Variants in CTNND2 observed in about 807,000 individuals in gnomAD.
The protein encoded by CTNND2 is catenin delta 2.
In CTNND2, 22 loss-of-function variants were observed where a neutral mutation model predicts 144.4. That is an observed-to-expected ratio of 0.15 (90% CI 0.11 to 0.22). The LOEUF is 0.22. CTNND2 is among the 10% of genes least tolerant of loss of function. The pLI is 1.00. For synonymous variants in CTNND2, 751 were observed against 695.6 expected (o/e 1.08, Z -1.25); for missense variants, 1,353 against 1,618.8 (o/e 0.84, Z 2.82).
intron 16 of CTNND2, among the ~76,000 whole-genome samples, chr5:11,029,758 A>T (rs1313169081): frequency 1.3e-5 from 2 of 152,232 alleles, no homozygotes; most frequent in African/African-American, 4.8e-5. Flanking sequence ...TTTTTCTTAA[A>T]TGTACTGAAT....
intron 3 of CTNND2, 133 bp downstream of exon 3, chr5:11,564,811 G>C: frequency 1.6e-6 from 1 of 616,574 alleles, no homozygotes; most frequent in Non-Finnish European, 3.0e-6. Flanking sequence ...CTTAAATCAG[G>C]TCAGTTACAA....
At chr5:11,840,153 A>C (rs1470443087) in intron 1 of CTNND2, among the ~76,000 whole-genome samples, 4 of 152,220 alleles carry the variant, frequency 2.6e-5, no homozygotes, top group Non-Finnish European at 4.4e-5. Flanking sequence ...GAGAACTCTA[A>C]GCAACCTATA....
intron 12 of CTNND2, among the ~76,000 whole-genome samples, chr5:11,150,985 A>T (rs1416762333): frequency 1.3e-5 from 2 of 151,706 alleles, no homozygotes; most frequent in African/African-American, 2.4e-5. Context: ...TCCTTCCTCC[A>T]ACAGGATCAC....
chr5:11,386,316 T>C (rs1759086540), intron 6 of CTNND2, among the ~76,000 whole-genome samples: 1 of 150,672 alleles, frequency 6.6e-6, no homozygotes, highest in South Asian at 2.1e-4. Flanking sequence ...GGATGAGAGG[T>C]GGGTGGGGAG....
intron 9 of CTNND2, among the ~76,000 whole-genome samples, chr5:11,260,857 A>G (rs1744784413): frequency 6.6e-6 from 1 of 152,236 alleles, no homozygotes; most frequent in African/African-American, 2.4e-5. Flanking sequence ...AAAATTTACT[A>G]TTATAGGGAA....
At chr5:11,755,226 C>G (rs1788866618) in intron 1 of CTNND2, among the ~76,000 whole-genome samples, 2 of 151,678 alleles carry the variant, frequency 1.3e-5, no homozygotes, top group Admixed American at 6.6e-5. Flanking sequence ...ATATGAAATT[C>G]TCCGTTGCAA....
At chr5:11,369,509 G>A (rs1368577984) in intron 7 of CTNND2, among the ~76,000 whole-genome samples, 2 of 152,224 alleles carry the variant, frequency 1.3e-5, no homozygotes, top group East Asian at 3.9e-4. Context: ...TTTTTGGAAC[G>A]ATTTGTAACT....
At chr5:11,380,190 C>T (rs548033835) in intron 7 of CTNND2, among the ~76,000 whole-genome samples, 11 of 152,122 alleles carry the variant, frequency 7.2e-5, no homozygotes, top group African/African-American at 1.2e-4. Context: ...GTGGCTGTTC[C>T]GAAACTAAGT....
At chr5:11,470,980 A>ATATATATATATATATATATTT (rs1219093645) in intron 3 of CTNND2, among the ~76,000 whole-genome samples, 6 of 91,530 alleles carry the variant, frequency 6.6e-5, no homozygotes, top group African/African-American at 1.7e-4. Flanking sequence ...ATATATATAT[A>ATATATATATATATATATATTT]TTTTTTTTTT....
chr5:11,744,083 G>A (rs754432389), intron 1 of CTNND2, among the ~76,000 whole-genome samples: 31 of 152,168 alleles, frequency 2.0e-4, no homozygotes, highest in Admixed American at 1.0e-3. Flanking sequence ...AGCAAACTGC[G>A]GTCAGTGAGG....
At chr5:11,741,849 A>G (rs1788036125) in intron 1 of CTNND2, among the ~76,000 whole-genome samples, 1 of 149,342 alleles carries the variant, frequency 6.7e-6, no homozygotes, top group African/African-American at 2.4e-5. Context: ...ATATATATAT[A>G]TAATGGAATA....
chr5:11,441,502 CTGAG>C (rs2149893357), intron 3 of CTNND2, among the ~76,000 whole-genome samples: 1 of 151,194 alleles, frequency 6.6e-6, no homozygotes, highest in East Asian at 2.0e-4. Context: ...CCTCAGCCTC[CTGAG>C]TAGCTGGGAT....
intron 9 of CTNND2, among the ~76,000 whole-genome samples, chr5:11,338,811 G>A (rs1015617894): frequency 3.9e-5 from 6 of 152,134 alleles, no homozygotes; most frequent in Admixed American, 3.3e-4. Flanking sequence ...ACTGATAAAA[G>A]AACTCTTGAA....
At chr5:11,787,440 G>A (rs181784701) in intron 1 of CTNND2, among the ~76,000 whole-genome samples, 10 of 152,214 alleles carry the variant, frequency 6.6e-5, no homozygotes, top group East Asian at 1.9e-4. Context: ...TCATTTACAC[G>A]CCAACATATC....
intron 16 of CTNND2, among the ~76,000 whole-genome samples, chr5:11,041,507 T>G (rs1744696665): frequency 6.6e-6 from 1 of 152,126 alleles, no homozygotes; most frequent in African/African-American, 2.4e-5. Flanking sequence ...TCTGAGCTCT[T>G]TTCACAGGGA....
intron 1 of CTNND2, among the ~76,000 whole-genome samples, chr5:11,824,093 C>CAAA (rs1189701479): frequency 0.018 from 1,048 of 58,804 alleles, 19 homozygotes; most frequent in African/African-American, 0.048. Flanking sequence ...CAGAGTGTCT[C>CAAA]AAAAAAAAAA....
intron 9 of CTNND2, among the ~76,000 whole-genome samples, chr5:11,291,660 C>T (rs1748363273): frequency 6.6e-6 from 1 of 152,102 alleles, no homozygotes; most frequent in African/African-American, 2.4e-5. Flanking sequence ...ATTCTCCTGC[C>T]ACACTTGCCA....
intron 9 of CTNND2, among the ~76,000 whole-genome samples, chr5:11,294,388 T>C (rs1226509598): frequency 6.6e-6 from 1 of 152,184 alleles, no homozygotes; most frequent in South Asian, 2.1e-4. Context: ...CTAGCCACTT[T>C]TTCATGGGAC....
chr5:11,741,822 T>C (rs983261667), intron 1 of CTNND2, among the ~76,000 whole-genome samples: 6 of 148,242 alleles, frequency 4.0e-5, no homozygotes, highest in Admixed American at 2.0e-4. Flanking sequence ...TATATATGTA[T>C]ATATAGTAGT....
Sources: allele counts gnomAD v4.1 joint callset (sites outside exome capture counted in the v4.1 genomes callset), GRCh38; gene constraint gnomAD v4.1.1; transcripts MANE v1.5; gene names NCBI Gene and HGNC (gene_info 2026-07-23, HGNC 2026-07-21).